The following SLC2A13 variants were observed in gnomAD, a reference collection of about 807,000 sequenced individuals.
SLC2A13 encodes solute carrier family 2 member 13.
SLC2A13 carries 32 observed loss-of-function variants against 64.4 expected under a neutral mutation model. That is an observed-to-expected ratio of 0.50 (90% CI 0.37 to 0.67). The LOEUF is 0.67. Ranked by LOEUF, SLC2A13 falls within the 30% of genes least tolerant of loss-of-function variation. The probability of loss-of-function intolerance (pLI) is 0.00; values close to 1 mark genes in which losing one functional copy is unlikely to be tolerated. For missense variants in SLC2A13, 743 were observed against 829.2 expected (o/e 0.90, Z 1.28); for synonymous variants, 338 against 327.1 (o/e 1.03, Z -0.36).
intron 1 of SLC2A13, among the ~76,000 whole-genome samples, chr12:40,098,430 T>A (rs969222122): frequency 5.3e-5 from 8 of 152,236 alleles, no homozygotes; most frequent in Non-Finnish European, 8.8e-5. Flanking sequence ...ACAATGTGAA[T>A]ATACCTAACA....
At chr12:39,772,867 G>T (rs1940633730) in intron 7 of SLC2A13, among the ~76,000 whole-genome samples, 1 of 56,726 alleles carries the variant, frequency 1.8e-5, no homozygotes, top group Non-Finnish European at 4.9e-5. Flanking sequence ...AGGCCAAGTA[G>T]CTCCTCATCA....
chr12:39,896,285 TG>T (rs1023492578), intron 4 of SLC2A13, among the ~76,000 whole-genome samples: 1 of 125,826 alleles, frequency 7.9e-6, no homozygotes, highest in African/African-American at 2.9e-5. Flanking sequence ...TATACATGTA[TG>T]TATATGTGTG....
chr12:39,796,861 T>A (rs563352437), intron 7 of SLC2A13, among the ~76,000 whole-genome samples: 1 of 152,346 alleles, frequency 6.6e-6, no homozygotes, highest in African/African-American at 2.4e-5. Flanking sequence ...TTATGCACCT[T>A]TGACTTCCTC....
At chr12:40,043,101 A>T (rs1948118274) in intron 2 of SLC2A13, among the ~76,000 whole-genome samples, 1 of 152,144 alleles carries the variant, frequency 6.6e-6, no homozygotes, top group South Asian at 2.1e-4. Context: ...ACTACAAGCC[A>T]TGATAAAGAA....
chr12:40,071,767 C>CTGT (rs1937969614), intron 1 of SLC2A13, among the ~76,000 whole-genome samples: 1 of 152,084 alleles, frequency 6.6e-6, no homozygotes, highest in Admixed American at 6.6e-5. Flanking sequence ...TCCATGGAAT[C>CTGT]TGTAGTGCTG....
chr12:39,809,690 T>C (rs547586016), intron 7 of SLC2A13, among the ~76,000 whole-genome samples: 1 of 152,224 alleles, frequency 6.6e-6, no homozygotes, highest in African/African-American at 2.4e-5. Context: ...TGGTGTGTGA[T>C]GTTCCCCTTC....
intron 3 of SLC2A13, among the ~76,000 whole-genome samples, chr12:40,017,654 C>T (rs1242398374): frequency 6.6e-6 from 1 of 152,154 alleles, no homozygotes; most frequent in Non-Finnish European, 1.5e-5. Context: ...TCAACTCTCA[C>T]CATAGAAACC....
chr12:40,099,747 G>A, intron 1 of SLC2A13, among the ~76,000 whole-genome samples: 1 of 152,168 alleles, frequency 6.6e-6, no homozygotes, highest in East Asian at 1.9e-4. Flanking sequence ...CAGAAAAGGG[G>A]AGGGAACAAA....
intron 7 of SLC2A13, among the ~76,000 whole-genome samples, chr12:39,821,971 A>G (rs1942527805): frequency 6.6e-6 from 1 of 152,134 alleles, no homozygotes. Context: ...CACAATGTGC[A>G]GGTTAGTTAC....
intron 6 of SLC2A13, among the ~76,000 whole-genome samples, chr12:39,831,185 G>T (rs1414195571): frequency 6.6e-6 from 1 of 152,148 alleles, no homozygotes; most frequent in East Asian, 1.9e-4. Flanking sequence ...ATGAGAAACA[G>T]ATGAACAACG....
intron 6 of SLC2A13, among the ~76,000 whole-genome samples, chr12:39,833,999 C>A (rs1448831499): frequency 6.6e-6 from 1 of 151,788 alleles, no homozygotes; most frequent in Non-Finnish European, 1.5e-5. Flanking sequence ...CAAGAAGAAT[C>A]TGAACAAACA....
intron 4 of SLC2A13, among the ~76,000 whole-genome samples, chr12:39,882,376 C>T (rs149895012): frequency 2.0e-5 from 3 of 152,294 alleles, no homozygotes; most frequent in South Asian, 2.1e-4. Context: ...GCTACCATCA[C>T]GTTCATCATT....
At position 40,063,304 on chromosome 12, in the gene SLC2A13, A is replaced by G. The variant is rs148605476; in HGVS notation, c.557-15094T>C. 7.5e-3 allele frequency among the ~76,000 whole-genome samples: 1,148 copies of G among 152,270 alleles called. 14 individuals are homozygous for G. The highest frequency in any genetic ancestry group is 0.026 in the African/African-American group (1,087 of 41,542). ...AAGGATAGACAGAAAAACCAGTTAC[A>G]GGACTACTTTCTTTCACAAGGAGTG... On this transcript the variant is annotated intron_variant, in intron 1 of 9. Transcript: ENST00000280871.
intron 5 of SLC2A13, 141 bp downstream of exon 5, chr12:39,871,657 G>C: frequency 1.4e-6 from 1 of 708,374 alleles, no homozygotes; most frequent in Non-Finnish European, 2.1e-6. Context: ...TTTCTTTTTT[G>C]GTCTAGAAGA....
chr12:40,002,698 G>A (rs1947340625), intron 3 of SLC2A13, among the ~76,000 whole-genome samples: 1 of 152,150 alleles, frequency 6.6e-6, no homozygotes, highest in African/African-American at 2.4e-5. Context: ...TCCCCGTGAA[G>A]GGTTCAAAGT....
chr12:40,090,977 T>G (rs1938747198), intron 1 of SLC2A13, among the ~76,000 whole-genome samples: 2 of 152,330 alleles, frequency 1.3e-5, no homozygotes, highest in South Asian at 2.1e-4. Context: ...GAATACATTT[T>G]GCAAACTTCA....
chr12:39,877,806 T>C (rs1944229336), intron 4 of SLC2A13, among the ~76,000 whole-genome samples: 1 of 152,200 alleles, frequency 6.6e-6, no homozygotes, highest in African/African-American at 2.4e-5. Flanking sequence ...AAAAAATACA[T>C]CATATTTTCC....
intron 7 of SLC2A13, among the ~76,000 whole-genome samples, chr12:39,828,184 G>A (rs1942745839): frequency 6.6e-6 from 1 of 152,144 alleles, no homozygotes; most frequent in Non-Finnish European, 1.5e-5. Flanking sequence ...CCAAGACTAA[G>A]GAGGTAACCA....
intron 4 of SLC2A13, among the ~76,000 whole-genome samples, chr12:39,883,240 G>C (rs950173982): frequency 6.6e-6 from 1 of 152,092 alleles, no homozygotes; most frequent in African/African-American, 2.4e-5. Context: ...CCCTGGAGTA[G>C]GATGTAAAGG....
Sources: allele counts gnomAD v4.1 joint callset (sites outside exome capture counted in the v4.1 genomes callset), GRCh38; gene constraint gnomAD v4.1.1; transcripts MANE v1.5; gene names NCBI Gene and HGNC (gene_info 2026-07-23, HGNC 2026-07-21).